GXYLT2: variants seen among roughly 807,000 people sequenced by gnomAD.
GXYLT2 encodes glucoside xylosyltransferase 2, also known as glycosyltransferase 8 domain containing 4.
GXYLT2 carries 53 observed loss-of-function variants against 45.8 expected under a neutral mutation model. That is an observed-to-expected ratio of 1.16 (90% CI 0.93 to 1.46). The LOEUF (loss-of-function observed/expected upper bound fraction) is 1.46, where lower values mean the gene tolerates loss of function less well. Ranked by LOEUF, GXYLT2 falls within the 40% of genes most tolerant of loss-of-function variation. The pLI is 0.00. For missense variants in GXYLT2, 551 were observed against 544.4 expected (o/e 1.01, Z -0.12); for synonymous variants, 219 against 214.2 (o/e 1.02, Z -0.19).
At chr3:72,891,217 C>T (rs938631843) in intron 1 of GXYLT2, among the ~76,000 whole-genome samples, 1 of 152,152 alleles carries the variant, frequency 6.6e-6, no homozygotes, top group Non-Finnish European at 1.5e-5. Flanking sequence ...TCTCATTTCT[C>T]TGGCCTGGGG....
At position 72,904,887 on chromosome 3, in the gene GXYLT2, A is replaced by T. The variant is rs900995570; in HGVS notation, c.276-3480A>T. 2.3e-3 allele frequency among the ~76,000 whole-genome samples: 153 copies of T among 66,224 alleles called. 1 individual carries two copies. Among genetic ancestry groups the T allele is most frequent in the African/African-American group, 4.5e-3 (132 of 29,412 alleles). The allele number at this position is 66,224 out of a possible 152,430, so 43.4% of individuals were successfully genotyped here. On this transcript the variant is annotated intron_variant, in intron 1 of 6. Transcript: ENST00000389617. ...TCTCTACTAAAGATACAAAAAAAAA[A>T]AAAAAAAAAAATTAACCAGGTGTGA...
At chr3:72,942,721 C>T (rs1035569139) in intron 3 of GXYLT2, among the ~76,000 whole-genome samples, 8 of 150,818 alleles carry the variant, frequency 5.3e-5, no homozygotes, top group East Asian at 1.9e-4. Flanking sequence ...TCTAAATAAC[C>T]GGCCAGTGTT....
chr3:72,942,808 A>G (rs1447281429), intron 3 of GXYLT2, among the ~76,000 whole-genome samples: 1 of 152,030 alleles, frequency 6.6e-6, no homozygotes, highest in Non-Finnish European at 1.5e-5. Context: ...GAGACTAAGG[A>G]GATGTGACAA....
chr3:72,901,302 A>C (rs1278084797), intron 1 of GXYLT2, among the ~76,000 whole-genome samples: 5 of 150,984 alleles, frequency 3.3e-5, no homozygotes, highest in Admixed American at 6.6e-5. Flanking sequence ...AAAAAAAAAA[A>C]AAACAATTAG....
intron 3 of GXYLT2, among the ~76,000 whole-genome samples, chr3:72,942,023 G>A (rs538712249): frequency 6.6e-6 from 1 of 152,038 alleles, no homozygotes; most frequent in African/African-American, 2.4e-5. Flanking sequence ...AATGCAAGAT[G>A]CCCCTGGAGT....
chr3:72,974,987 A>C lies in GXYLT2; in HGVS notation c.1160A>C (p.Gln387Pro), dbSNP rs751933157. 6.5e-7 allele frequency: 1 copy of C among 1,546,542 alleles called. No individual in the cohort carries two copies. The stretch of plus-strand genomic sequence containing the variant: ...TTTGTCATCTTTCAGTTTCCCTTTC[A>C]AGACAATCTCTTTCAATCCATGTAT... ...LYEAIRDFPF[Q>P]DNLFQSMYYP... Residue 387 changes from glutamine to proline, a missense_variant, in exon 7 of 7, where the codon CAA (glutamine) becomes CCA (proline). Gln to Pro is a moderately conservative substitution (Grantham distance 76). Transcript: ENST00000389617.
At chr3:72,935,697 G>A (rs1182479405) in intron 3 of GXYLT2, among the ~76,000 whole-genome samples, 1 of 152,154 alleles carries the variant, frequency 6.6e-6, no homozygotes, top group Non-Finnish European at 1.5e-5. Flanking sequence ...CAAAATATTG[G>A]AGCAATACCT....
At chr3:72,894,522 T>C (rs1400483927) in intron 1 of GXYLT2, among the ~76,000 whole-genome samples, 1 of 152,206 alleles carries the variant, frequency 6.6e-6, no homozygotes, top group African/African-American at 2.4e-5. Context: ...TCAGAGACTA[T>C]ATGGTAAATG....
chr3:72,894,413 G>A (rs1009245337), intron 1 of GXYLT2, among the ~76,000 whole-genome samples: 28 of 152,230 alleles, frequency 1.8e-4, no homozygotes, highest in African/African-American at 3.9e-4. Flanking sequence ...TAGAGCAGCC[G>A]TTATGTGCAC....
chr3:72,936,445 G>T (rs1263268080), intron 3 of GXYLT2, among the ~76,000 whole-genome samples: 4 of 152,016 alleles, frequency 2.6e-5, no homozygotes, highest in African/African-American at 9.7e-5. Flanking sequence ...CTTGAGACTA[G>T]CCTGGCCAAC....
chr3:72,893,235 T>G lies in GXYLT2; in HGVS notation c.275+4727T>G, dbSNP rs1272512560. On this transcript the variant is annotated intron_variant, in intron 1 of 6. Transcript: ENST00000389617. The stretch of plus-strand genomic sequence containing the variant: ...CTGATCTCAACTCCATTTAGTTTTC[T>G]GGCCTCCTCTCCTACCACTCTCCAT... 3.3e-5 allele frequency among the ~76,000 whole-genome samples: 5 copies of G among 152,334 alleles called. No individual in the cohort carries two copies. In the East Asian group the frequency reaches 9.6e-4, roughly 29 times the overall value.
At chr3:72,917,208 G>C (rs1027876969) in intron 2 of GXYLT2, among the ~76,000 whole-genome samples, 8 of 152,104 alleles carry the variant, frequency 5.3e-5, no homozygotes, top group African/African-American at 1.7e-4. Flanking sequence ...CAGACTGTTA[G>C]AGGATGCCGA....
intron 5 of GXYLT2, among the ~76,000 whole-genome samples, chr3:72,966,298 G>GTT (rs10575256): frequency 3.5e-5 from 5 of 143,984 alleles, no homozygotes; most frequent in African/African-American, 1.3e-4. Context: ...GGTTTTTGCT[G>GTT]TTTTTTTTTT....
In GXYLT2 at chr3:72,961,483, C is replaced by T. The variant is rs114903281; in HGVS notation, c.976+4131C>T. ...TAGTTTCTTCATCTCTCAGAGGCCT[C>T]ATGGTTTCTGTGATCTTTGCTTCTC... is the stretch of plus-strand genomic sequence containing the variant. On this transcript the variant is annotated intron_variant, in intron 5 of 6. Transcript: ENST00000389617. Among the ~76,000 whole-genome samples the T allele has an allele frequency of 4.6e-3, 698 of 152,116 alleles. 3 individuals are homozygous for T. Among genetic ancestry groups the T allele is most frequent in the African/African-American group, 0.016 (671 of 41,514 alleles).
intron 1 of GXYLT2, among the ~76,000 whole-genome samples, chr3:72,894,786 T>C (rs1709253231): frequency 6.6e-6 from 1 of 152,158 alleles, no homozygotes; most frequent in Non-Finnish European, 1.5e-5. Flanking sequence ...GTGAAAACGC[T>C]ATAATATGTA....
At chr3:72,959,715 A>T (rs1710732786) in intron 5 of GXYLT2, among the ~76,000 whole-genome samples, 1 of 151,272 alleles carries the variant, frequency 6.6e-6, no homozygotes, top group Non-Finnish European at 1.5e-5. Flanking sequence ...TCTGACTGCA[A>T]TCTCTGCCCC....
intron 1 of GXYLT2, among the ~76,000 whole-genome samples, chr3:72,907,014 A>G (rs1396992827): frequency 6.6e-6 from 1 of 152,198 alleles, no homozygotes; most frequent in African/African-American, 2.4e-5. Flanking sequence ...GCTGGGGGTT[A>G]AAGATAAGAT....
chr3:72,899,197 C>G (rs1443152980), intron 1 of GXYLT2, among the ~76,000 whole-genome samples: 2 of 152,194 alleles, frequency 1.3e-5, no homozygotes, highest in South Asian at 2.1e-4. Flanking sequence ...CAAACACACA[C>G]ACGTATACAC....
At chr3:72,928,503 T>G (rs1180689337) in intron 3 of GXYLT2, among the ~76,000 whole-genome samples, 1 of 152,212 alleles carries the variant, frequency 6.6e-6, no homozygotes, top group African/African-American at 2.4e-5. Context: ...CATTTCTTAT[T>G]GCTACTAGCT....
Sources: allele counts gnomAD v4.1 joint callset (sites outside exome capture counted in the v4.1 genomes callset), GRCh38; gene constraint gnomAD v4.1.1; transcripts MANE v1.5; gene names NCBI Gene and HGNC (gene_info 2026-07-23, HGNC 2026-07-21).